The following SLC24A1 variants were observed in gnomAD, a reference collection of about 807,000 sequenced individuals.
SLC24A1 encodes the protein solute carrier family 24 member 1.
SLC24A1 carries 52 observed loss-of-function variants against 88.1 expected under a neutral mutation model. That is an observed-to-expected ratio of 0.59 (90% CI 0.47 to 0.74). The LOEUF is 0.74. SLC24A1 is among the 30% of genes least tolerant of loss of function. The pLI is 0.00. For synonymous variants in SLC24A1, 455 were observed against 498.0 expected, an observed-to-expected ratio of 0.91 and a Z score of 1.15; for missense variants, 1,173 against 1,363.3, an observed-to-expected ratio of 0.86 and a Z score of 2.20.
Position 65,650,877 on chromosome 15 carries a change from A to G in SLC24A1, c.2728A>G (p.Ile910Val), listed in dbSNP as rs2075478888. 6.2e-7 allele frequency: 1 copy of G among 1,613,990 alleles called. No homozygotes were observed. Among genetic ancestry groups the G allele is most frequent in the South Asian group, 1.1e-5 (1 of 91,088 alleles). ...GCCTGAAACCAGGCAGAAGCAGGCC[A>G]TTTACCTCTTCCTTCTGCCCATCGT... Reference protein sequence around the residue: ...DWPETRQKQAIYLFLLPIVFP... With the variant: ...DWPETRQKQAVYLFLLPIVFP... Residue 910 changes from isoleucine (I) to valine (V), a missense_variant, in exon 7 of 10, where the codon ATT becomes GTT. Physicochemically the swap from Ile to Val is conservative, Grantham distance 29 (BLOSUM62 3). Transcript: ENST00000261892. The surrounding 1 kb of genome is among the most constrained non-coding windows in gnomAD (Gnocchi z 4.1).
chr15:65,634,966 A>T (rs914774251), intron 2 of SLC24A1, among the ~76,000 whole-genome samples: 2 of 152,166 alleles, frequency 1.3e-5, no homozygotes, highest in Admixed American at 6.5e-5. Context: ...GGTCGTATCA[A>T]ATAAGAAAAT....
chr15:65,649,566 ACT>A (rs1316896223), intron 6 of SLC24A1, among the ~76,000 whole-genome samples: 1 of 152,218 alleles, frequency 6.6e-6, no homozygotes, highest in Non-Finnish European at 1.5e-5. Flanking sequence ...TGGGCAAGTT[ACT>A]TAGTTCCTTT....
Position 65,625,854 on chromosome 15 carries a change from G to C in SLC24A1, c.1774G>C (p.Ala592Pro), listed in dbSNP as rs371108837. ...GTGGGAGAGCCTGCTGCTGCTGCTG[G>C]CCTATGCCTTCTATGTGTTCACCAT... is the stretch of plus-strand genomic sequence containing the variant. ...AWWESLLLLL[A>P]YAFYVFTMKW... is the part of the protein sequence containing the mutation. The change falls in exon 2 of 10, where the codon GCC (alanine) becomes CCC (proline). Residue 592 changes from alanine to proline, a missense_variant. Ala to Pro is a conservative substitution (Grantham distance 27). Transcript: ENST00000261892. 2.5e-6 allele frequency: 4 copies of C among 1,613,762 alleles called. No homozygotes were observed. Among genetic ancestry groups the C allele is most frequent in the Non-Finnish European group, 2.5e-6 (3 of 1,179,812 alleles).
In SLC24A1 at chr15:65,624,405, G is replaced by T; in HGVS notation, c.325G>T (p.Glu109Ter). ...TGAAGCAACACTGAGCATGACAGTG[G>T]AGAATATCCCCAGTATGCCTAAAAG... ...SDEATLSMTV[E>*]NIPSMPKRTA... The change falls in exon 2 of 10, where the codon GAG (glutamate) becomes TAG (stop). Residue 109 changes from glutamate (E) to a stop codon, truncating the protein, a stop_gained. Coordinates refer to ENST00000261892, the MANE Select transcript of SLC24A1 (RefSeq NM_004727.3). LOFTEE classifies it high-confidence loss of function. 1 of 1,613,466 alleles carries T rather than the reference G, an allele frequency of 6.2e-7. No homozygotes were observed. The highest frequency in any genetic ancestry group is 1.1e-5 in the South Asian group (1 of 90,962).
chr15:65,658,184 C>G (rs1429904903), downstream of SLC24A1: 1 of 152,068 alleles, frequency 6.6e-6, no homozygotes, highest in African/African-American at 2.4e-5. Context: ...ATAAGCCAGC[C>G]AATATGCTTA....
chr15:65,641,437 C>T (rs900660831), intron 4 of SLC24A1, among the ~76,000 whole-genome samples: 4 of 151,958 alleles, frequency 2.6e-5, no homozygotes, highest in East Asian at 1.9e-4. Context: ...GTGATGAAAC[C>T]TTCCTTAGGA....
intron 6 of SLC24A1, among the ~76,000 whole-genome samples, chr15:65,648,947 A>T (rs1338467084): frequency 1.3e-5 from 2 of 152,112 alleles, no homozygotes; most frequent in African/African-American, 4.8e-5. Context: ...CCAGCTATCA[A>T]TGGCTTTTAG....
chr15:65,660,851 T>C (rs887115460), downstream of SLC24A1: 1 of 152,194 alleles, frequency 6.6e-6, no homozygotes, highest in Non-Finnish European at 1.5e-5. Flanking sequence ...CAGTAAGTCA[T>C]ATTTCAGATA....
intron 5 of SLC24A1, among the ~76,000 whole-genome samples, chr15:65,645,327 C>T (rs181331989): frequency 3.3e-5 from 5 of 152,326 alleles, no homozygotes; most frequent in African/African-American, 9.6e-5. Flanking sequence ...TTCTGACTGC[C>T]CAGCTGTTGA....
At chr15:65,636,850 C>T (rs1429162324) in intron 2 of SLC24A1, among the ~76,000 whole-genome samples, 1 of 137,726 alleles carries the variant, frequency 7.3e-6, no homozygotes, top group Non-Finnish European at 1.5e-5. Context: ...CACTCCAGCG[C>T]TCTGTCTCAA....
In SLC24A1 at chr15:65,654,153, A is replaced by C; in HGVS notation, c.*74A>C. Reference sequence around the variant, plus strand: ...AGTTACTGTATCTCTTGTGACCCTAATGAAAGAATGTATATGATCCTGGAA... The same window carrying C: ...AGTTACTGTATCTCTTGTGACCCTACTGAAAGAATGTATATGATCCTGGAA... On this transcript the variant is annotated 3_prime_UTR_variant, in exon 10 of 10. Coordinates refer to ENST00000261892, the MANE Select transcript of SLC24A1 (RefSeq NM_004727.3). 4 of 1,547,812 alleles carry C rather than the reference A, an allele frequency of 2.6e-6. No homozygotes were observed. Among genetic ancestry groups the C allele is most frequent in the Non-Finnish European group, 3.5e-6 (4 of 1,148,754 alleles).
In SLC24A1 at chr15:65,625,119, A is replaced by C. The variant is rs761002618; in HGVS notation, c.1039A>C (p.Asn347His). 6.2e-7 allele frequency: 1 copy of C among 1,613,658 alleles called. No homozygotes were observed. Among genetic ancestry groups the C allele is most frequent in the Admixed American group, 1.7e-5 (1 of 60,014 alleles). The change falls in exon 2 of 10, where the codon AAT (asparagine) becomes CAT (histidine). Residue 347 changes from asparagine (N) to histidine (H), a missense_variant. By Grantham distance (68) the Asn-to-His change is moderately conservative (BLOSUM62 1). Coordinates refer to ENST00000261892, the MANE Select transcript of SLC24A1 (RefSeq NM_004727.3). ...KAFTAAWSLRNPSPRTSVSAI... is the reference protein window; with the variant it reads ...KAFTAAWSLRHPSPRTSVSAI... ...CTTCACTGCTGCCTGGAGTCTTAGG[A>C]ATCCTTCACCCAGGACCAGTGTATC...
At chr15:65,627,928 T>C (rs770559861) in intron 2 of SLC24A1, among the ~76,000 whole-genome samples, 1 of 152,232 alleles carries the variant, frequency 6.6e-6, no homozygotes, top group Non-Finnish European at 1.5e-5. Flanking sequence ...CAGTGATGAT[T>C]ACATCTCTGT....
chr15:65,654,280 C>A lies in SLC24A1; in HGVS notation c.*201C>A. 2 of 1,384,844 alleles carry A rather than the reference C, an allele frequency of 1.4e-6. No homozygotes were observed. Among genetic ancestry groups the A allele is most frequent in the Non-Finnish European group, 9.3e-7 (1 of 1,074,694 alleles). 85.8% of individuals were successfully genotyped at this position (1,384,844 alleles called of 1,614,324 possible). A position where few individuals can be genotyped will look rare whatever the true frequency, so the allele number is the denominator to read the frequency against. Reference sequence around the variant, plus strand: ...TCATTGTGGATTAAGAACCTCACCCCTGGAGGGGTGGAGTTTCTACCCCTG... The same window carrying A: ...TCATTGTGGATTAAGAACCTCACCCATGGAGGGGTGGAGTTTCTACCCCTG... On this transcript the variant is annotated 3_prime_UTR_variant, in exon 10 of 10. Transcript: ENST00000261892.
intron 6 of SLC24A1, among the ~76,000 whole-genome samples, chr15:65,646,907 G>C (rs1300765166): frequency 6.6e-6 from 1 of 152,204 alleles, no homozygotes; most frequent in Non-Finnish European, 1.5e-5. Context: ...AAAGGATTAA[G>C]AGGATACAGA....
chr15:65,628,652 A>G (rs903271788), intron 2 of SLC24A1, among the ~76,000 whole-genome samples: 2 of 152,250 alleles, frequency 1.3e-5, no homozygotes, highest in African/African-American at 2.4e-5. Context: ...TTACACAGCT[A>G]CTTGGTGATC....
downstream of SLC24A1, chr15:65,660,047 G>C: frequency 2.2e-6 from 1 of 446,972 alleles, no homozygotes; most frequent in Non-Finnish European, 4.0e-6. Flanking sequence ...AGTGCCAAAA[G>C]CCTCCCCCCT....
chr15:65,654,518 C>T lies in SLC24A1; in HGVS notation c.*439C>T, dbSNP rs1208656014. Reference sequence around the variant, plus strand: ...CAGCCTTCCTGACCTCTGCCCCAAACACACGCTGCAATTTTGTCTCCTCCT... The same window carrying T: ...CAGCCTTCCTGACCTCTGCCCCAAATACACGCTGCAATTTTGTCTCCTCCT... On this transcript the variant is annotated 3_prime_UTR_variant, in exon 10 of 10. Transcript: ENST00000261892. 1.6e-5 allele frequency: 19 copies of T among 1,184,186 alleles called. No homozygotes were observed. Among genetic ancestry groups the T allele is most frequent in the Non-Finnish European group, 1.9e-5 (18 of 943,916 alleles). The allele number at this position is 1,184,186 out of a possible 1,614,324, so 73.4% of individuals were successfully genotyped here.
At chr15:65,638,266 C>A in intron 3 of SLC24A1, 85 bp downstream of exon 3, 1 of 971,596 alleles carries the variant, frequency 1.0e-6, no homozygotes, top group Non-Finnish European at 1.6e-6. Flanking sequence ...TGGCCCTGTG[C>A]TGGGGACCCT....
Sources: gnomAD v4.1 joint callset for allele counts (sites outside exome capture counted in the v4.1 genomes callset) on GRCh38, gnomAD v4.1.1 for gene constraint, Gnocchi (gnomAD v3.1) non-coding constraint, MANE v1.5 for transcripts, NCBI Gene and HGNC (gene_info 2026-07-23, HGNC 2026-07-21) for gene names.